The following HTR5A variants were observed in gnomAD, a reference collection of about 807,000 sequenced individuals.
HTR5A encodes 5-hydroxytryptamine receptor 5A, also known as 5-HT-5.
A neutral mutation model predicts 24.3 loss-of-function variants in HTR5A; 21 were observed. That is an observed-to-expected ratio of 0.86 (90% confidence interval 0.61 to 1.24). HTR5A has a LOEUF of 1.24. HTR5A is among the 50% of genes most tolerant of loss of function. The pLI is 0.00. For synonymous variants in HTR5A, 260 were observed against 213.7 expected (o/e 1.22, Z -1.89); for missense variants, 497 against 489.5 (o/e 1.02, Z -0.15).
chr7:155,070,647 G>C lies in HTR5A; in HGVS notation c.-253G>C. On this transcript the variant is annotated 5_prime_UTR_variant, in exon 1 of 2. Transcript: ENST00000287907. ...CTCCTGACAGCTTAGGCGGGCCCTG[G>C]CTGCGACACGCAGCCCCTCGCCTCT... The C allele has an allele frequency of 1.9e-6, 1 of 534,220 alleles. No homozygotes were observed. The highest frequency in any genetic ancestry group is 3.4e-6 in the Non-Finnish European group (1 of 298,326). The allele number at this position is 534,220 out of a possible 1,614,324, so 33.1% of individuals were successfully genotyped here.
intron 1 of HTR5A, among the ~76,000 whole-genome samples, chr7:155,081,633 G>T (rs906604211): frequency 6.6e-6 from 1 of 152,186 alleles, no homozygotes; most frequent in African/African-American, 2.4e-5. Flanking sequence ...GTTGAATGTA[G>T]TAATTAATAG....
chr7:155,075,154 G>A (rs1284372842), intron 1 of HTR5A, among the ~76,000 whole-genome samples: 1 of 152,186 alleles, frequency 6.6e-6, no homozygotes, highest in Non-Finnish European at 1.5e-5. Flanking sequence ...GGGCTAAAGA[G>A]CACTCAGTCT....
At chr7:155,075,972 C>T (rs528605073) in intron 1 of HTR5A, among the ~76,000 whole-genome samples, 16 of 152,256 alleles carry the variant, frequency 1.1e-4, no homozygotes, top group Admixed American at 7.8e-4. Flanking sequence ...AGGGCATTGG[C>T]GAGCCAGATT....
chr7:155,077,740 C>T (rs1795374215), intron 1 of HTR5A, among the ~76,000 whole-genome samples: 1 of 152,160 alleles, frequency 6.6e-6, no homozygotes, highest in Non-Finnish European at 1.5e-5. Flanking sequence ...GCTGAGATTA[C>T]AGGTGTGAGC....
rs1354254620 is a variant in HTR5A, at chr7:155,084,152, C to T, written c.742-3C>T. On this transcript the variant is annotated splice_polypyrimidine_tract_variant and splice_region_variant and intron_variant, in intron 1 of 1. Transcript: ENST00000287907. The stretch of plus-strand genomic sequence containing the variant: ...TCATAAAGCTCCTGCTTGTCTTTTA[C>T]AGGTGAAGGACTCTGCCAAACAGCC... 1 of 1,586,600 alleles carries T rather than the reference C, an allele frequency of 6.3e-7. No homozygotes were observed. Among genetic ancestry groups the T allele is most frequent in the Non-Finnish European group, 8.6e-7 (1 of 1,165,602 alleles).
intron 1 of HTR5A, among the ~76,000 whole-genome samples, chr7:155,071,930 A>G (rs1795300492): frequency 6.6e-6 from 1 of 152,156 alleles, no homozygotes; most frequent in African/African-American, 2.4e-5. Flanking sequence ...TTTGGCCCCC[A>G]AATTCTATGG....
chr7:155,070,828 G>A lies in HTR5A; in HGVS notation c.-72G>A, dbSNP rs750456390. ...TTGCAAACATCCGGATTGGCTCTGG[G>A]CACAGTGGCCGCCTTAAGTCCTCCT... is the stretch of plus-strand genomic sequence containing the variant. On this transcript the variant is annotated 5_prime_UTR_variant, in exon 1 of 2. Transcript: ENST00000287907. 22 of 1,480,378 alleles carry A rather than the reference G, an allele frequency of 1.5e-5. No individual in the cohort carries two copies. Among genetic ancestry groups the A allele is most frequent in the Non-Finnish European group, 1.5e-5 (17 of 1,097,636 alleles). The allele number at this position is 1,480,378 out of a possible 1,614,324, so 91.7% of individuals were successfully genotyped here.
At chr7:155,082,736 C>T (rs1408264372) in intron 1 of HTR5A, among the ~76,000 whole-genome samples, 1 of 152,178 alleles carries the variant, frequency 6.6e-6, no homozygotes, top group African/African-American at 2.4e-5. Context: ...TTCCTTTATG[C>T]TGAAAAATTA....
At chr7:155,074,837 T>C (rs998982062) in intron 1 of HTR5A, 1 of 152,142 alleles carries the variant, frequency 6.6e-6, no homozygotes, top group African/African-American at 2.4e-5. Context: ...AAAGACTCTA[T>C]ACATGTAGAC....
chr7:155,071,787 G>T (rs905601053), intron 1 of HTR5A, 147 bp downstream of exon 1: 5 of 769,050 alleles, frequency 6.5e-6, no homozygotes, highest in East Asian at 2.6e-5. Context: ...GTGGAAGAAA[G>T]CATCAGAGAT....
rs537944843 is a variant in HTR5A, at chr7:155,083,900, T to C, written c.742-255T>C. 5.6e-4 allele frequency among the ~76,000 whole-genome samples: 86 copies of C among 152,280 alleles called. 1 individual carries two copies. The highest frequency in any genetic ancestry group is 1.9e-3 in the African/African-American group (78 of 41,556). On this transcript the variant is annotated intron_variant, in intron 1 of 1. Coordinates refer to ENST00000287907, the MANE Select transcript of HTR5A (RefSeq NM_024012.4). ...ACTGCCTCTGTTGAACAGACAGCAA[T>C]AGGGAGTCCATCTTCATGATGTCAA...
At position 155,086,507 on chromosome 7, in the gene HTR5A, A is replaced by T. The variant is rs973899142; in HGVS notation, c.*2020A>T. The stretch of plus-strand genomic sequence containing the variant: ...ACGATGTTATTATAATATTAATTCA[A>T]TCTCCAGCTGAGGGTTTTATTAATG... On this transcript the variant is annotated 3_prime_UTR_variant, in exon 2 of 2. Coordinates refer to ENST00000287907, the MANE Select transcript of HTR5A (RefSeq NM_024012.4). Among the ~76,000 whole-genome samples the T allele has an allele frequency of 6.6e-6, 1 of 152,194 alleles. No homozygotes were observed. The highest frequency in any genetic ancestry group is 2.4e-5 in the African/African-American group (1 of 41,450).
chr7:155,080,822 T>C (rs1795408594), intron 1 of HTR5A, among the ~76,000 whole-genome samples: 1 of 152,142 alleles, frequency 6.6e-6, no homozygotes, highest in Non-Finnish European at 1.5e-5. Flanking sequence ...GGTTTTCTGT[T>C]GGATGGCGTT....
At chr7:155,078,328 A>G (rs1795379438) in intron 1 of HTR5A, among the ~76,000 whole-genome samples, 1 of 152,222 alleles carries the variant, frequency 6.6e-6, no homozygotes, top group Non-Finnish European at 1.5e-5. Flanking sequence ...TTCAGGTTTA[A>G]GCCCATTTAT....
chr7:155,085,794 CAATTA>C lies in HTR5A; in HGVS notation c.*1309_*1313del, dbSNP rs1225192446. On this transcript the variant is annotated 3_prime_UTR_variant, in exon 2 of 2. Coordinates refer to ENST00000287907, the MANE Select transcript of HTR5A (RefSeq NM_024012.4). ...GTATATTGTATATAATAAATTATAT[CAATTA>C]AGAGTTCAAACATAGGAAATTTGTG... The C allele has an allele frequency of 6.6e-6, 1 of 152,050 alleles. No individual in the cohort carries two copies. Among genetic ancestry groups the C allele is most frequent in the African/African-American group, 2.4e-5 (1 of 41,392 alleles). The allele number at this position is 152,050 out of a possible 1,614,324, so 9.4% of individuals were successfully genotyped here. A position where few individuals can be genotyped will look rare whatever the true frequency, so the allele number is the denominator to read the frequency against.
At chr7:155,074,412 C>T (rs1795338634) in intron 1 of HTR5A, among the ~76,000 whole-genome samples, 1 of 152,156 alleles carries the variant, frequency 6.6e-6, no homozygotes, top group African/African-American at 2.4e-5. Context: ...AGAATGCTGA[C>T]CTGAAACTGC....
chr7:155,077,417 A>G (rs978731117), intron 1 of HTR5A, among the ~76,000 whole-genome samples: 1 of 150,418 alleles, frequency 6.6e-6, no homozygotes, highest in Admixed American at 6.6e-5. Flanking sequence ...GTCATTCATT[A>G]TCTTGTTTCA....
intron 1 of HTR5A, among the ~76,000 whole-genome samples, chr7:155,077,403 A>C (rs1198039300): frequency 6.6e-6 from 1 of 151,624 alleles, no homozygotes; most frequent in Non-Finnish European, 1.5e-5. Context: ...AAATTTGTCA[A>C]TTTGTCATTC....
At chr7:155,073,111 G>A (rs1042906309) in intron 1 of HTR5A, among the ~76,000 whole-genome samples, 2 of 152,182 alleles carry the variant, frequency 1.3e-5, no homozygotes, top group Admixed American at 1.3e-4. Context: ...ACAAGGTCAG[G>A]AGATCGAGAC....
Sources: allele counts gnomAD v4.1 joint callset (sites outside exome capture counted in the v4.1 genomes callset), GRCh38; gene constraint gnomAD v4.1.1; transcripts MANE v1.5; gene names NCBI Gene and HGNC (gene_info 2026-07-23, HGNC 2026-07-21).